Variants in GPR158 observed in about 807,000 individuals in gnomAD.
GPR158 encodes metabotropic glycine receptor.
In GPR158, 30 loss-of-function variants were observed where a neutral mutation model predicts 78.2. The ratio of observed to expected loss-of-function variants is 0.38; its 90% CI spans 0.29 to 0.52. GPR158 has a LOEUF of 0.52. GPR158 is among the 20% of genes least tolerant of loss of function. The probability of loss-of-function intolerance (pLI) is 0.83; values close to 1 mark genes in which losing one functional copy is unlikely to be tolerated. For missense variants in GPR158, 1,463 were observed against 1,523.5 expected, an observed-to-expected ratio of 0.96 and a Z score of 0.66; for synonymous variants, 581 against 591.1, an observed-to-expected ratio of 0.98 and a Z score of 0.25.
chr10:25,267,206 G>A (rs1423308403), intron 2 of GPR158, among the ~76,000 whole-genome samples: 2 of 152,158 alleles, frequency 1.3e-5, no homozygotes, highest in Non-Finnish European at 2.9e-5. Context: ...ATACCCAAGA[G>A]TGGGTAATTT....
At chr10:25,277,470 A>AAGAGAG (rs370403743) in intron 2 of GPR158, among the ~76,000 whole-genome samples, 7 of 149,374 alleles carry the variant, frequency 4.7e-5, no homozygotes, top group Admixed American at 2.0e-4. Context: ...AAAAAAGCAA[A>AAGAGAG]AGAGAGAGAG....
chr10:25,227,955 A>T (rs527494169), intron 2 of GPR158, among the ~76,000 whole-genome samples: 1 of 152,222 alleles, frequency 6.6e-6, no homozygotes, highest in African/African-American at 2.4e-5. Context: ...TTCTAATGTG[A>T]TATTGGTAGG....
At chr10:25,520,640 G>T (rs558252359) in intron 5 of GPR158, among the ~76,000 whole-genome samples, 1 of 151,416 alleles carries the variant, frequency 6.6e-6, no homozygotes, top group African/African-American at 2.4e-5. Context: ...GCCGTGTGAG[G>T]TGTCAGTGTG....
intron 2 of GPR158, among the ~76,000 whole-genome samples, chr10:25,304,034 T>C (rs1191078306): frequency 6.6e-6 from 1 of 152,208 alleles, no homozygotes; most frequent in Non-Finnish European, 1.5e-5. Flanking sequence ...GTTGTGTATG[T>C]TATCTTGGAA....
At chr10:25,567,333 T>G (rs1021769602) in intron 6 of GPR158, among the ~76,000 whole-genome samples, 3 of 152,070 alleles carry the variant, frequency 2.0e-5, no homozygotes, top group African/African-American at 7.2e-5. Context: ...GAAAAACTGT[T>G]TAGAGCAGCG....
chr10:25,444,813 A>G (rs969501604), intron 4 of GPR158, among the ~76,000 whole-genome samples: 4 of 152,160 alleles, frequency 2.6e-5, no homozygotes, highest in Admixed American at 2.6e-4. Flanking sequence ...TTAAAGCATC[A>G]TAATTTTGAT....
chr10:25,583,544 G>A (rs1022153017), intron 7 of GPR158, among the ~76,000 whole-genome samples: 1 of 152,016 alleles, frequency 6.6e-6, no homozygotes, highest in Non-Finnish European at 1.5e-5. Context: ...GGAATTGAAG[G>A]TATTCAAGAA....
At chr10:25,356,235 T>C (rs1156533561) in intron 2 of GPR158, among the ~76,000 whole-genome samples, 1 of 152,076 alleles carries the variant, frequency 6.6e-6, no homozygotes, top group African/African-American at 2.4e-5. Flanking sequence ...TTCACTTCTA[T>C]GTGGCCCAGG....
Position 25,175,778 on chromosome 10 carries a change from C to T in GPR158, c.358C>T (p.Pro120Ser). 6.2e-7 allele frequency: 1 copy of T among 1,611,360 alleles called. No individual in the cohort carries two copies. Among genetic ancestry groups the T allele is most frequent in the Non-Finnish European group, 8.5e-7 (1 of 1,179,944 alleles). Residue 120 changes from proline to serine, a missense_variant, in exon 1 of 11, where the codon CCC (proline) becomes TCC (serine). Coordinates refer to ENST00000376351, the MANE Select transcript of GPR158 (RefSeq NM_020752.3). The surrounding 1 kb of genome is among the most constrained non-coding windows in gnomAD (Gnocchi z 6.4). ...GTGGCCAGCCCTGGCCAGCGCGCAC[C>T]CCTCCTTGCACCGGGCGCTGGACAC... ...GKWPALASAH[P>S]SLHRALDTLT...
chr10:25,396,067 T>G (rs1226907096), intron 3 of GPR158, 54 bp downstream of exon 3: 2 of 743,796 alleles, frequency 2.7e-6, no homozygotes, highest in Non-Finnish European at 4.6e-6. Flanking sequence ...TATATACTAT[T>G]ATTACGAAGA....
chr10:25,376,816 A>G (rs935251975), intron 2 of GPR158, among the ~76,000 whole-genome samples: 1 of 151,550 alleles, frequency 6.6e-6, no homozygotes, highest in Non-Finnish European at 1.5e-5. Context: ...TCCCTAATTT[A>G]TTGTCACCTT....
At chr10:25,596,576 T>G (rs1837410586) in intron 9 of GPR158, 67 bp from the exon 10 acceptor site, 4 of 1,098,640 alleles carry the variant, frequency 3.6e-6, no homozygotes, top group Non-Finnish European at 2.7e-6. Context: ...GGTATAGATA[T>G]AGATATAGAT....
At chr10:25,198,636 A>G (rs904198801) in intron 1 of GPR158, among the ~76,000 whole-genome samples, 2 of 152,234 alleles carry the variant, frequency 1.3e-5, no homozygotes, top group African/African-American at 2.4e-5. Flanking sequence ...AATAAGCAGA[A>G]AGCTATTTGA....
chr10:25,465,089 A>G (rs1454857226), intron 4 of GPR158, among the ~76,000 whole-genome samples: 1 of 152,182 alleles, frequency 6.6e-6, no homozygotes, highest in Non-Finnish European at 1.5e-5. Flanking sequence ...AATACCCCAC[A>G]GGGATTTTTG....
At chr10:25,189,818 GA>G in intron 1 of GPR158, among the ~76,000 whole-genome samples, 1 of 145,164 alleles carries the variant, frequency 6.9e-6, no homozygotes, top group African/African-American at 2.6e-5. Context: ...AAAAAAAAGA[GA>G]AAAGAAAGGA....
At chr10:25,558,454 G>A (rs997358170) in intron 6 of GPR158, among the ~76,000 whole-genome samples, 1 of 152,172 alleles carries the variant, frequency 6.6e-6, no homozygotes, top group African/African-American at 2.4e-5. Context: ...AGCAAAACGG[G>A]GAGGGGCAGG....
chr10:25,242,585 G>A (rs184537433), intron 2 of GPR158, among the ~76,000 whole-genome samples: 1 of 152,294 alleles, frequency 6.6e-6, no homozygotes, highest in Admixed American at 6.5e-5. Context: ...GTGACTTTTG[G>A]ATAAGCCCTT....
chr10:25,562,765 C>A (rs1836875680), intron 6 of GPR158, among the ~76,000 whole-genome samples: 1 of 152,174 alleles, frequency 6.6e-6, no homozygotes, highest in South Asian at 2.1e-4. Context: ...GAGATGAATA[C>A]CCCGTGTTTG....
At chr10:25,332,663 T>C (rs1409205462) in intron 2 of GPR158, among the ~76,000 whole-genome samples, 1 of 152,192 alleles carries the variant, frequency 6.6e-6, no homozygotes, top group African/African-American at 2.4e-5. Flanking sequence ...CATTGTTCTT[T>C]CCATCATACC....
Sources: gnomAD v4.1 joint callset for allele counts (sites outside exome capture counted in the v4.1 genomes callset) on GRCh38, gnomAD v4.1.1 for gene constraint, Gnocchi (gnomAD v3.1) non-coding constraint, MANE v1.5 for transcripts, NCBI Gene and HGNC (gene_info 2026-07-23, HGNC 2026-07-21) for gene names.